The following RSU1 variants were observed in gnomAD, a reference collection of about 807,000 sequenced individuals.
RSU1 encodes Ras suppressor protein 1, also known as rsu-1.
Under a neutral mutation model 31.1 loss-of-function variants are expected in RSU1, and 26 were observed. The ratio of observed to expected loss-of-function variants is 0.84; its 90% CI spans 0.61 to 1.16. The LOEUF (loss-of-function observed/expected upper bound fraction) is 1.16, where lower values mean the gene tolerates loss of function less well. Ranked by LOEUF, RSU1 falls within the 50% of genes most tolerant of loss-of-function variation. The pLI is 0.00. For synonymous variants in RSU1, 164 were observed against 136.3 expected (o/e 1.20, Z -1.41); for missense variants, 320 against 339.1 (o/e 0.94, Z 0.44).
chr10:16,694,428 T>G (rs1239452059), intron 8 of RSU1, among the ~76,000 whole-genome samples: 3 of 152,232 alleles, frequency 2.0e-5, no homozygotes, highest in African/African-American at 7.2e-5. Flanking sequence ...TATGTTCTGA[T>G]CTGAATGGTG....
At chr10:16,775,109 C>G (rs1352301861) in intron 3 of RSU1, among the ~76,000 whole-genome samples, 1 of 152,172 alleles carries the variant, frequency 6.6e-6, no homozygotes, top group African/African-American at 2.4e-5. Context: ...TATTGCACCT[C>G]TTAGTGTATC....
At chr10:16,691,182 C>T (rs1044370756) in intron 8 of RSU1, among the ~76,000 whole-genome samples, 5 of 152,086 alleles carry the variant, frequency 3.3e-5, no homozygotes, top group South Asian at 2.1e-4. Flanking sequence ...CCTGCTAATT[C>T]GCATAATATT....
chr10:16,808,471 G>A (rs1406671214), intron 2 of RSU1, among the ~76,000 whole-genome samples: 4 of 120,000 alleles, frequency 3.3e-5, no homozygotes, highest in Non-Finnish European at 6.6e-5. Context: ...CAACAAGAGT[G>A]AAACTCCATT....
chr10:16,665,538 C>G (rs577318627), intron 8 of RSU1, among the ~76,000 whole-genome samples: 15 of 152,292 alleles, frequency 9.8e-5, no homozygotes, highest in Admixed American at 5.2e-4. Flanking sequence ...CACAAACTTC[C>G]ATTCTTCCAC....
intron 8 of RSU1, among the ~76,000 whole-genome samples, chr10:16,650,726 C>T (rs1834668944): frequency 1.3e-5 from 2 of 151,140 alleles, no homozygotes; most frequent in South Asian, 4.2e-4. Context: ...ACTACAGGCG[C>T]CCGCCACCAC....
chr10:16,707,551 T>A (rs1835932041), intron 7 of RSU1, among the ~76,000 whole-genome samples: 1 of 147,538 alleles, frequency 6.8e-6, no homozygotes, highest in Non-Finnish European at 1.5e-5. Flanking sequence ...TAAGGTAGTT[T>A]GCCCATTTTC....
chr10:16,607,218 C>G (rs1214075254), intron 8 of RSU1, among the ~76,000 whole-genome samples: 1 of 152,138 alleles, frequency 6.6e-6, no homozygotes, highest in Non-Finnish European at 1.5e-5. Flanking sequence ...GCCTCCTTTG[C>G]CTTCCACCAT....
At chr10:16,666,953 G>C (rs1005243422) in intron 8 of RSU1, among the ~76,000 whole-genome samples, 1 of 151,862 alleles carries the variant, frequency 6.6e-6, no homozygotes, top group Non-Finnish European at 1.5e-5. Context: ...TTGAGATTAC[G>C]CTACTGCTGC....
intron 2 of RSU1, among the ~76,000 whole-genome samples, chr10:16,784,291 G>C (rs1427906319): frequency 2.6e-5 from 4 of 151,824 alleles, no homozygotes; most frequent in East Asian, 1.9e-4. Context: ...TTTTAGAAAT[G>C]GGTTCTCATT....
chr10:16,737,757 GA>G (rs34578854), intron 7 of RSU1, among the ~76,000 whole-genome samples: 27,472 of 146,108 alleles, frequency 0.19, 4,489 homozygotes, highest in African/African-American at 0.45. Flanking sequence ...CTAACTTAAG[GA>G]AAAAAAAAAA....
intron 7 of RSU1, among the ~76,000 whole-genome samples, chr10:16,719,949 C>T (rs1836221337): frequency 6.6e-6 from 1 of 152,202 alleles, no homozygotes; most frequent in Admixed American, 6.5e-5. Flanking sequence ...AATCTCAGCC[C>T]TCAAAGGAAC....
intron 3 of RSU1, among the ~76,000 whole-genome samples, chr10:16,772,428 C>A (rs1447498717): frequency 6.6e-6 from 1 of 152,028 alleles, no homozygotes; most frequent in African/African-American, 2.4e-5. Context: ...CTAAATTGCA[C>A]TACAATTCTG....
intron 7 of RSU1, among the ~76,000 whole-genome samples, chr10:16,696,241 G>A (rs952435223): frequency 2.0e-5 from 3 of 152,164 alleles, no homozygotes; most frequent in Admixed American, 1.3e-4. Context: ...CCGAAGTTAC[G>A]TGCTGTTGCT....
chr10:16,779,653 C>G (rs1837610311), intron 3 of RSU1, among the ~76,000 whole-genome samples: 1 of 152,120 alleles, frequency 6.6e-6, no homozygotes. Context: ...CTTTTGAGTC[C>G]CTGTGGTTTT....
intron 8 of RSU1, among the ~76,000 whole-genome samples, chr10:16,655,991 G>A (rs987373606): frequency 2.3e-4 from 34 of 147,322 alleles, no homozygotes; most frequent in Admixed American, 1.7e-3. Context: ...TACAAGAAAT[G>A]TGATTTTTTT....
intron 3 of RSU1, among the ~76,000 whole-genome samples, chr10:16,770,731 C>T (rs1837407968): frequency 6.6e-6 from 1 of 152,198 alleles, no homozygotes; most frequent in Non-Finnish European, 1.5e-5. Context: ...GCAGGTACTT[C>T]GTGGGAGGCA....
intron 2 of RSU1, among the ~76,000 whole-genome samples, chr10:16,816,549 A>G (rs1838536404): frequency 6.6e-6 from 1 of 152,224 alleles, no homozygotes; most frequent in African/African-American, 2.4e-5. Flanking sequence ...AAGATTCAAG[A>G]AATGCTTAAA....
At chr10:16,699,760 AGT>A (rs1421219611) in intron 7 of RSU1, among the ~76,000 whole-genome samples, 7 of 152,214 alleles carry the variant, frequency 4.6e-5, no homozygotes, top group African/African-American at 1.7e-4. Flanking sequence ...CTCACTCCTC[AGT>A]TGGAAGGCGC....
At chr10:16,632,425 A>T (rs894167060) in intron 8 of RSU1, among the ~76,000 whole-genome samples, 1 of 152,136 alleles carries the variant, frequency 6.6e-6, no homozygotes, top group African/African-American at 2.4e-5. Context: ...TATTAGTAAT[A>T]AGTTGGACGT....
Sources: allele counts gnomAD v4.1 joint callset (sites outside exome capture counted in the v4.1 genomes callset), GRCh38; gene constraint gnomAD v4.1.1; transcripts MANE v1.5; gene names NCBI Gene and HGNC (gene_info 2026-07-23, HGNC 2026-07-21).